Variants in MTMR8 observed in about 807,000 individuals in gnomAD.
The protein encoded by MTMR8 is myotubularin related protein 8, also known as phosphatidylinositol-3,5-bisphosphate 3-phosphatase MTMR8.
Under a neutral mutation model 39.3 loss-of-function variants are expected in MTMR8, and 65 were observed. The ratio of observed to expected loss-of-function variants is 1.65; its 90% CI spans 1.35 to 2.03. MTMR8 has a LOEUF of 2.03. MTMR8 is among the 30% of genes most tolerant of loss of function. MTMR8 has a pLI of 0.00. For synonymous variants in MTMR8, 245 were observed against 185.2 expected, an observed-to-expected ratio of 1.32 and a Z score of -2.62; for missense variants, 777 against 538.9, an observed-to-expected ratio of 1.44 and a Z score of -4.37.
At chrX:64,328,450 C>T (rs904093987) in intron 12 of MTMR8, among the ~76,000 whole-genome samples, 1 of 111,197 alleles carries the variant, frequency 9.0e-6, no homozygotes, top group Non-Finnish European at 1.9e-5. Context: ...TTTTTCTTTT[C>T]TTTGTTGGGG....
intron 12 of MTMR8, among the ~76,000 whole-genome samples, chrX:64,313,514 T>C (rs1922375656): frequency 8.9e-6 from 1 of 112,770 alleles, no homozygotes; most frequent in African/African-American, 3.2e-5. Flanking sequence ...TCAAGAACTT[T>C]TCCTTCACAT....
chrX:64,381,164 C>T (rs1262501932), intron 1 of MTMR8, among the ~76,000 whole-genome samples: 1 of 111,911 alleles, frequency 8.9e-6, no homozygotes. Context: ...CCTGAGGAAT[C>T]GCCACACTGA....
rs200859953 is a variant in MTMR8 at position 64,286,190 on chromosome X, A to AT, written c.1482-15118dup. The stretch of plus-strand genomic sequence containing the variant: ...ATATAAACTACCATCAGAGAATACT[A>AT]TAAACAACTCTACGCAAATAAACTA... On this transcript the variant is annotated intron_variant, in intron 12 of 13. Transcript: ENST00000374852. 1.0e-3 allele frequency among the ~76,000 whole-genome samples: 112 copies of AT among 112,522 alleles called. 1 individual carries two copies. In the East Asian group the frequency reaches 0.028, roughly 28 times the overall value.
chrX:64,353,426 G>A (rs1343283840), intron 4 of MTMR8, among the ~76,000 whole-genome samples: 1 of 111,844 alleles, frequency 8.9e-6, no homozygotes, highest in Non-Finnish European at 1.9e-5. Context: ...ATTAAATATG[G>A]AGAAAGTATC....
chrX:64,346,272 G>C (rs188493437), intron 6 of MTMR8, among the ~76,000 whole-genome samples: 10 of 111,082 alleles, frequency 9.0e-5, no homozygotes, highest in Non-Finnish European at 1.3e-4. Context: ...TATAATTTTT[G>C]TATTAAAAGA....
rs758656340 is a variant in MTMR8 at position 64,331,144 on chromosome X, G to A, written c.1352+413C>T. ...CAAAAATGTCGGCAACGAATTAGGA[G>A]TTTTAAAAAATACTCCACAGATTAA... On this transcript the variant is annotated intron_variant, in intron 11 of 13. Coordinates refer to ENST00000374852, the MANE Select transcript of MTMR8 (RefSeq NM_017677.4). Among the ~76,000 whole-genome samples, 250 of 111,768 alleles carry A rather than the reference G, an allele frequency of 2.2e-3. 2 individuals are homozygous for A. Among genetic ancestry groups the A allele is most frequent in the Non-Finnish European group, 4.0e-3 (211 of 53,069 alleles).
intron 1 of MTMR8, among the ~76,000 whole-genome samples, chrX:64,390,776 C>T (rs1427664113): frequency 9.0e-6 from 1 of 110,594 alleles, no homozygotes; most frequent in Non-Finnish European, 1.9e-5. Flanking sequence ...CCCCCCCAGC[C>T]TCTCGAGTAG....
chrX:64,299,724 T>C, intron 12 of MTMR8, among the ~76,000 whole-genome samples: 1 of 101,342 alleles, frequency 9.9e-6, no homozygotes. Flanking sequence ...TTTCGTGCTA[T>C]AAATTTCCCT....
intron 12 of MTMR8, among the ~76,000 whole-genome samples, chrX:64,283,627 C>T (rs1274694113): frequency 1.8e-5 from 2 of 112,148 alleles, no homozygotes; most frequent in Non-Finnish European, 3.8e-5. Flanking sequence ...GAGATGAAAC[C>T]TCCAGAGGAA....
intron 12 of MTMR8, among the ~76,000 whole-genome samples, chrX:64,293,573 C>T (rs1921471417): frequency 9.0e-6 from 1 of 111,494 alleles, no homozygotes; most frequent in Admixed American, 9.6e-5. Context: ...TCCTGATCTC[C>T]TCCAGTGGCA....
chrX:64,283,581 G>T (rs1414889215), intron 12 of MTMR8, among the ~76,000 whole-genome samples: 1 of 112,014 alleles, frequency 8.9e-6, no homozygotes, highest in Non-Finnish European at 1.9e-5. Context: ...CCCCAGTAGG[G>T]GCAGACTGAC....
At chrX:64,366,324 C>A (rs1923954920) in intron 1 of MTMR8, among the ~76,000 whole-genome samples, 1 of 111,911 alleles carries the variant, frequency 8.9e-6, no homozygotes, top group Non-Finnish European at 1.9e-5. Flanking sequence ...CACTACATCG[C>A]ACTTATTCCA....
At chrX:64,363,875 ACTCC>A in intron 1 of MTMR8, among the ~76,000 whole-genome samples, 1 of 111,205 alleles carries the variant, frequency 9.0e-6, no homozygotes, top group South Asian at 3.9e-4. Flanking sequence ...AAATCGGGAC[ACTCC>A]CTCCCAAATA....
chrX:64,393,756 A>G (rs1924751893), intron 1 of MTMR8, among the ~76,000 whole-genome samples: 1 of 112,317 alleles, frequency 8.9e-6, no homozygotes, highest in South Asian at 3.8e-4. Context: ...CTCCACAGAG[A>G]AAGGCCCTGA....
chrX:64,384,257 G>T (rs1452906260), intron 1 of MTMR8, among the ~76,000 whole-genome samples: 1 of 112,033 alleles, frequency 8.9e-6, no homozygotes, highest in Non-Finnish European at 1.9e-5. Flanking sequence ...GTTTTGCATT[G>T]TTCAGAACCT....
At chrX:64,393,859 C>T (rs1479019154) in intron 1 of MTMR8, among the ~76,000 whole-genome samples, 1 of 112,350 alleles carries the variant, frequency 8.9e-6, no homozygotes, top group African/African-American at 3.2e-5. Flanking sequence ...GTGGGCAAAA[C>T]ATTACTAGTT....
intron 10 of MTMR8, among the ~76,000 whole-genome samples, chrX:64,332,429 A>G (rs183627309): frequency 9.9e-5 from 11 of 111,428 alleles, no homozygotes; most frequent in African/African-American, 3.3e-4. Context: ...CAACGATACC[A>G]CCTTTCCTTG....
At chrX:64,358,843 GCACACA>G (rs762422321) in intron 2 of MTMR8, among the ~76,000 whole-genome samples, 10 of 91,151 alleles carry the variant, frequency 1.1e-4, no homozygotes, top group East Asian at 6.9e-4. Context: ...GCCCGTGCAT[GCACACA>G]CACACACACA....
intron 12 of MTMR8, among the ~76,000 whole-genome samples, chrX:64,298,504 T>C (rs1467451080): frequency 1.2e-5 from 1 of 82,787 alleles, no homozygotes. Flanking sequence ...TTTCTAGATA[T>C]ACAATCATGT....
Sources: allele counts gnomAD v4.1 joint callset (sites outside exome capture counted in the v4.1 genomes callset), GRCh38; gene constraint gnomAD v4.1.1; transcripts MANE v1.5; gene names NCBI Gene and HGNC (gene_info 2026-07-23, HGNC 2026-07-21).